Variants in THSD7B observed in about 807,000 individuals in gnomAD.
The protein encoded by THSD7B is thrombospondin type-1 domain-containing protein 7B.
Under a neutral mutation model 213.6 loss-of-function variants are expected in THSD7B, and 138 were observed. The observed-to-expected ratio is 0.65, with a 90% CI of 0.56 to 0.74. The LOEUF (loss-of-function observed/expected upper bound fraction) is 0.74, where lower values mean the gene tolerates loss of function less well. THSD7B is among the 30% of genes least tolerant of loss of function. The probability of loss-of-function intolerance (pLI) is 0.00; values close to 1 mark genes in which losing one functional copy is unlikely to be tolerated. For synonymous variants in THSD7B, 742 were observed against 687.0 expected (o/e 1.08, Z -1.25); for missense variants, 1,931 against 1,991.5 (o/e 0.97, Z 0.58).
At chr2:137,334,327 C>T (rs907756391) in intron 12 of THSD7B, among the ~76,000 whole-genome samples, 1 of 152,120 alleles carries the variant, frequency 6.6e-6, no homozygotes, top group African/African-American at 2.4e-5. Flanking sequence ...CCCTCCTCAG[C>T]TCATCCCAGC....
chr2:137,629,415 A>G (rs1278600176), intron 20 of THSD7B, among the ~76,000 whole-genome samples: 1 of 152,174 alleles, frequency 6.6e-6, no homozygotes, highest in Admixed American at 6.5e-5. Context: ...TCATAAGTTT[A>G]GTATTAAAAG....
intron 27 of THSD7B, among the ~76,000 whole-genome samples, chr2:137,671,503 T>G (rs567451021): frequency 0.15 from 91 of 606 alleles, no homozygotes; most frequent in African/African-American, 0.17. Flanking sequence ...TCAGGAAACT[T>G]ACTTACTTAC....
chr2:137,465,536 C>A (rs1484967729), intron 15 of THSD7B, among the ~76,000 whole-genome samples: 1 of 152,050 alleles, frequency 6.6e-6, no homozygotes, highest in Non-Finnish European at 1.5e-5. Flanking sequence ...CTAAGGCAAC[C>A]CCTTCATTCT....
rs370824809 is a variant in THSD7B, at chr2:137,160,367, A to C, written c.1524A>C (p.Lys508Asn). 1.9e-6 allele frequency: 3 copies of C among 1,611,256 alleles called. No individual in the cohort carries two copies. Among genetic ancestry groups the C allele is most frequent in the African/African-American group, 1.3e-5 (1 of 74,850 alleles). ...ACTGTCATGATCCTCAGGGGAAAAAAGGTGAGTGCCTTGTTTGCATGCGCT... is the reference window on the plus strand; with the variant it reads ...ACTGTCATGATCCTCAGGGGAAAAACGGTGAGTGCCTTGTTTGCATGCGCT... ...HENCHDPQGK[K>N]GFRTRQRHVL... is the part of the protein sequence containing the mutation. Residue 508 changes from lysine (K) to asparagine (N), a missense_variant and splice_region_variant, in exon 6 of 28, where the codon AAA (lysine) becomes AAC (asparagine). Physicochemically the swap from Lys to Asn is moderately conservative, Grantham distance 94. Transcript: ENST00000409968.
Position 137,111,920 on chromosome 2 carries a change from G to A in THSD7B, c.1200-3204G>A, listed in dbSNP as rs191486666. Among the ~76,000 whole-genome samples the A allele has an allele frequency of 5.6e-4, 86 of 152,242 alleles. 1 individual carries two copies. Among genetic ancestry groups the A allele is most frequent in the Non-Finnish European group, 1.5e-4 (10 of 68,020 alleles). On this transcript the variant is annotated intron_variant, in intron 4 of 27. Transcript: ENST00000409968. ...TCCCCACATTCCCTTTTAACCAAGA[G>A]GGCCAAATGAGGCTGCTTTGAAAGG...
At chr2:136,840,541 G>A (rs1367194474) in intron 1 of THSD7B, among the ~76,000 whole-genome samples, 4 of 152,148 alleles carry the variant, frequency 2.6e-5, no homozygotes, top group African/African-American at 7.2e-5. Context: ...CAAACCTGGT[G>A]TGTTATCTAA....
chr2:137,221,039 G>C (rs974874000), intron 7 of THSD7B, among the ~76,000 whole-genome samples: 4 of 152,114 alleles, frequency 2.6e-5, no homozygotes, highest in Admixed American at 2.6e-4. Context: ...ACTGGCTCAC[G>C]CCTGTAATCC....
At chr2:137,185,168 T>G (rs1680527781) in intron 7 of THSD7B, among the ~76,000 whole-genome samples, 1 of 152,020 alleles carries the variant, frequency 6.6e-6, no homozygotes, top group African/African-American at 2.4e-5. Flanking sequence ...AGCAACATAT[T>G]TATATAACTT....
chr2:137,208,436 C>T (rs1418540040), intron 7 of THSD7B, among the ~76,000 whole-genome samples: 1 of 95,970 alleles, frequency 1.0e-5, no homozygotes, highest in East Asian at 2.4e-4. Context: ...GTTAAGAATT[C>T]CTTTTTATTT....
At chr2:137,014,471 A>T (rs1686298646) in intron 2 of THSD7B, among the ~76,000 whole-genome samples, 1 of 152,180 alleles carries the variant, frequency 6.6e-6, no homozygotes, top group South Asian at 2.1e-4. Context: ...GTAGGCCAAG[A>T]TCAACTGTCC....
At chr2:137,133,464 A>G (rs965456466) in intron 5 of THSD7B, among the ~76,000 whole-genome samples, 3 of 152,170 alleles carry the variant, frequency 2.0e-5, no homozygotes, top group African/African-American at 7.2e-5. Flanking sequence ...AGTGGTTCTC[A>G]TATTTCAATG....
intron 2 of THSD7B, among the ~76,000 whole-genome samples, chr2:137,024,578 C>G (rs1686509720): frequency 6.6e-6 from 1 of 152,070 alleles, no homozygotes; most frequent in African/African-American, 2.4e-5. Context: ...CAAAAACCTT[C>G]AAAATTAGCA....
intron 2 of THSD7B, among the ~76,000 whole-genome samples, chr2:136,934,630 A>G (rs572765): frequency 0.41 from 62,282 of 151,956 alleles, 14,916 homozygotes; most frequent in Non-Finnish European, 0.55. Context: ...CAACTATCAT[A>G]TATGCACTAG....
intron 15 of THSD7B, among the ~76,000 whole-genome samples, chr2:137,553,802 T>G (rs961548304): frequency 1.3e-5 from 2 of 152,204 alleles, no homozygotes; most frequent in Admixed American, 1.3e-4. Context: ...CACATTTCCA[T>G]TATAAAACTA....
intron 15 of THSD7B, among the ~76,000 whole-genome samples, chr2:137,467,594 C>T (rs1037066959): frequency 2.6e-5 from 4 of 152,118 alleles, no homozygotes; most frequent in African/African-American, 9.7e-5. Flanking sequence ...CCCCTATATA[C>T]ACTTAATGTT....
Position 137,659,710 on chromosome 2 carries a change from T to G in THSD7B, c.4422T>G (p.Ile1474Met). The change falls in exon 25 of 28, where the codon ATT (isoleucine) becomes ATG (methionine). Residue 1474 changes from isoleucine (I) to methionine (M), a missense_variant. Coordinates refer to ENST00000409968, the MANE Select transcript of THSD7B (RefSeq NM_001316349.2). The part of the protein sequence containing the change: ...QARPAAIRQC[I>M]PACRKPFSYC... ...GTCCTGCTGCCATTCGGCAGTGCAT[T>G]CCAGCCTGCAGAAAACCTTTCTCCT... 2.5e-6 allele frequency: 4 copies of G among 1,604,934 alleles called. No homozygotes were observed. The highest frequency in any genetic ancestry group is 3.4e-6 in the Non-Finnish European group (4 of 1,175,508).
intron 20 of THSD7B, among the ~76,000 whole-genome samples, chr2:137,627,326 C>G (rs373852887): frequency 2.8e-4 from 42 of 152,294 alleles, no homozygotes; most frequent in African/African-American, 9.1e-4. Context: ...TGTTGACATG[C>G]CTTTTGGTGG....
chr2:137,261,007 C>G (rs1026064612), intron 10 of THSD7B, among the ~76,000 whole-genome samples: 1 of 151,960 alleles, frequency 6.6e-6, no homozygotes, highest in East Asian at 1.9e-4. Context: ...ATATGGGGGT[C>G]TTGCTGTGTT....
intron 12 of THSD7B, among the ~76,000 whole-genome samples, chr2:137,384,831 C>A (rs918559396): frequency 2.0e-5 from 3 of 152,192 alleles, no homozygotes; most frequent in Admixed American, 2.0e-4. Context: ...TGCTGGCTGG[C>A]AGGCTTAGCA....
Sources: allele counts gnomAD v4.1 joint callset (sites outside exome capture counted in the v4.1 genomes callset), GRCh38; gene constraint gnomAD v4.1.1; transcripts MANE v1.5; gene names NCBI Gene and HGNC (gene_info 2026-07-23, HGNC 2026-07-21).